DDAH1: variants seen among roughly 807,000 people sequenced by gnomAD.
DDAH1 encodes the protein N(G),N(G)-dimethylarginine dimethylaminohydrolase 1.
Under a neutral mutation model 28.8 loss-of-function variants are expected in DDAH1, and 19 were observed. The ratio of observed to expected loss-of-function variants is 0.66; its 90% confidence interval spans 0.46 to 0.97. DDAH1 has a LOEUF of 0.97. DDAH1 is among the 50% of genes least tolerant of loss of function. DDAH1 has a pLI of 0.00. For missense variants in DDAH1, 326 were observed against 375.9 expected (o/e 0.87, Z 1.10); for synonymous variants, 153 against 154.4 (o/e 0.99, Z 0.07).
At chr1:85,334,748 A>T (rs1481508339) in intron 4 of DDAH1, among the ~76,000 whole-genome samples, 1 of 143,958 alleles carries the variant, frequency 6.9e-6, no homozygotes. Context: ...TAAACTACCT[A>T]CTCTCAGGTA....
At chr1:85,416,759 G>A (rs926915134) in intron 1 of DDAH1, among the ~76,000 whole-genome samples, 4 of 151,902 alleles carry the variant, frequency 2.6e-5, no homozygotes, top group East Asian at 1.9e-4. Context: ...CCTTTGCCTC[G>A]TGGGCTCAAG....
At chr1:85,498,552 A>G (rs7551398) in intron 1 of DDAH1, among the ~76,000 whole-genome samples, 5,442 of 152,288 alleles carry the variant, frequency 0.036, 184 homozygotes, top group African/African-American at 0.089. Context: ...TGCACATTTC[A>G]GTCCCTAGAT....
chr1:85,400,177 CTTTTTTTTTTTTTTTTT>C (rs61677601), intron 1 of DDAH1, among the ~76,000 whole-genome samples: 2 of 54,946 alleles, frequency 3.6e-5, no homozygotes, highest in Non-Finnish European at 4.0e-5. Context: ...CTTTTCTTTT[CTTTTTTTTTTTTTTTTT>C]TTTTTTTTTT....
intron 1 of DDAH1, among the ~76,000 whole-genome samples, chr1:85,515,794 TA>T (rs1383158435): frequency 3.0e-4 from 46 of 151,146 alleles, no homozygotes; most frequent in Non-Finnish European, 5.2e-4. Flanking sequence ...AAGAGAAACT[TA>T]AAAAAAAAAC....
chr1:85,321,604 G>C, intron 5 of DDAH1, 36 bp from the exon 6 acceptor site: 1 of 1,482,166 alleles, frequency 6.7e-7, no homozygotes, highest in Non-Finnish European at 9.4e-7. Flanking sequence ...AGAAAAGAAG[G>C]ATTATGTTTT....
intron 1 of DDAH1, among the ~76,000 whole-genome samples, chr1:85,372,727 T>G (rs1237714058): frequency 6.6e-6 from 1 of 152,154 alleles, no homozygotes; most frequent in Non-Finnish European, 1.5e-5. Flanking sequence ...ATACTCAAAG[T>G]ACGATAACCT....
At chr1:85,475,130 C>T (rs1227312744) in intron 2 of DDAH1, among the ~76,000 whole-genome samples, 1 of 152,200 alleles carries the variant, frequency 6.6e-6, no homozygotes, top group African/African-American at 2.4e-5. Context: ...ATGCTGGCTC[C>T]ACTACTTACT....
chr1:85,562,534 T>C (rs1025766706), intron 1 of DDAH1, among the ~76,000 whole-genome samples: 2 of 152,144 alleles, frequency 1.3e-5, no homozygotes, highest in African/African-American at 4.8e-5. Context: ...GATGAGGTCA[T>C]ACTGAATTGG....
intron 1 of DDAH1, among the ~76,000 whole-genome samples, chr1:85,536,602 C>T (rs1259202450): frequency 6.6e-6 from 1 of 151,972 alleles, no homozygotes; most frequent in Non-Finnish European, 1.5e-5. Flanking sequence ...AAAAAACACA[C>T]ACACAATGAG....
chr1:85,488,657 C>A (rs1656285096), intron 2 of DDAH1, among the ~76,000 whole-genome samples: 1 of 152,118 alleles, frequency 6.6e-6, no homozygotes, highest in Non-Finnish European at 1.5e-5. Flanking sequence ...GCACAGTATA[C>A]TACTGTGGCA....
intron 2 of DDAH1, among the ~76,000 whole-genome samples, chr1:85,487,480 C>T (rs867973538): frequency 1.4e-4 from 21 of 152,218 alleles, no homozygotes; most frequent in African/African-American, 4.8e-4. Context: ...TTTAGTTATT[C>T]TGCTAGTCAG....
chr1:85,339,765 G>C (rs781212865), intron 4 of DDAH1, among the ~76,000 whole-genome samples: 2 of 152,126 alleles, frequency 1.3e-5, no homozygotes, highest in African/African-American at 2.4e-5. Flanking sequence ...CAAGCAATAG[G>C]ATACTTATCA....
chr1:85,526,094 GA>G (rs1423512567), intron 1 of DDAH1, among the ~76,000 whole-genome samples: 1 of 152,140 alleles, frequency 6.6e-6, no homozygotes, highest in Non-Finnish European at 1.5e-5. Flanking sequence ...AATGGATCCA[GA>G]AAAATTACTA....
At chr1:85,549,845 G>C (rs1658731942) in intron 1 of DDAH1, among the ~76,000 whole-genome samples, 1 of 152,164 alleles carries the variant, frequency 6.6e-6, no homozygotes, top group Non-Finnish European at 1.5e-5. Flanking sequence ...CCTTGGAAGA[G>C]TGATTAAGTA....
intron 2 of DDAH1, among the ~76,000 whole-genome samples, chr1:85,478,284 G>A (rs1025190238): frequency 6.6e-6 from 1 of 152,046 alleles, no homozygotes; most frequent in Non-Finnish European, 1.5e-5. Flanking sequence ...CTTGCTTTTT[G>A]CCAAGAATGC....
upstream of DDAH1, chr1:85,465,212 T>G: frequency 9.0e-7 from 1 of 1,115,900 alleles, no homozygotes; most frequent in Non-Finnish European, 1.1e-6. Flanking sequence ...CGACTGAGCA[T>G]GCCCAGAGCT....
chr1:85,569,055 G>C (rs1358739248), intron 1 of DDAH1, among the ~76,000 whole-genome samples: 1 of 152,164 alleles, frequency 6.6e-6, no homozygotes, highest in South Asian at 2.1e-4. Flanking sequence ...TAAAAGGCCT[G>C]TGTGAACTCC....
intron 1 of DDAH1, among the ~76,000 whole-genome samples, chr1:85,388,217 A>G (rs1651373487): frequency 6.6e-6 from 1 of 152,204 alleles, no homozygotes; most frequent in African/African-American, 2.4e-5. Context: ...GGAGATCACA[A>G]TTGTGACTAT....
At chr1:85,345,223 T>G (rs1648769336) in intron 4 of DDAH1, among the ~76,000 whole-genome samples, 1 of 152,132 alleles carries the variant, frequency 6.6e-6, no homozygotes, top group Admixed American at 6.5e-5. Flanking sequence ...GCTTCTTTTG[T>G]TCAAACTTTG....
Sources: allele counts gnomAD v4.1 joint callset (sites outside exome capture counted in the v4.1 genomes callset), GRCh38; gene constraint gnomAD v4.1.1; transcripts MANE v1.5; gene names NCBI Gene and HGNC (gene_info 2026-07-23, HGNC 2026-07-21).